The following HECW1 variants were observed in gnomAD, a reference collection of about 807,000 sequenced individuals.
HECW1 encodes HECT, C2 and WW domain containing E3 ubiquitin protein ligase 1, also known as E3 ubiquitin-protein ligase HECW1.
HECW1 carries 61 observed loss-of-function variants against 182.3 expected under a neutral mutation model. The observed-to-expected ratio is 0.33, with a 90% confidence interval of 0.27 to 0.41. The LOEUF (loss-of-function observed/expected upper bound fraction) is 0.41, where lower values mean the gene tolerates loss of function less well. Among genes scored for constraint, HECW1 ranks in the 10% least tolerant of loss-of-function variants. The probability of loss-of-function intolerance (pLI) is 1.00; values close to 1 mark genes in which losing one functional copy is unlikely to be tolerated. For missense variants in HECW1, 1,739 were observed against 2,108.9 expected (o/e 0.82, Z 3.44); for synonymous variants, 859 against 832.6 (o/e 1.03, Z -0.55).
chr7:43,190,356 C>T (rs1460584248), intron 2 of HECW1, among the ~76,000 whole-genome samples: 1 of 152,194 alleles, frequency 6.6e-6, no homozygotes, highest in Non-Finnish European at 1.5e-5. Context: ...TCATGATCCG[C>T]CCACCTTGGC....
chr7:43,200,131 G>C (rs1794894572), intron 2 of HECW1, among the ~76,000 whole-genome samples: 1 of 152,240 alleles, frequency 6.6e-6, no homozygotes, highest in East Asian at 1.9e-4. Context: ...CTAGAAACCA[G>C]TTAACTTTCA....
intron 2 of HECW1, chr7:43,147,620 C>A (rs1330733182): frequency 1.3e-5 from 2 of 152,020 alleles, no homozygotes; most frequent in Admixed American, 1.3e-4. Context: ...CAATAAATTT[C>A]TTTAGTTTAA....
intron 3 of HECW1, among the ~76,000 whole-genome samples, chr7:43,300,722 C>T (rs78125239): frequency 0.013 from 1,969 of 152,242 alleles, 46 homozygotes; most frequent in African/African-American, 0.045. Flanking sequence ...GGTTCAACCC[C>T]ACTGTGTACT....
intron 6 of HECW1, among the ~76,000 whole-genome samples, chr7:43,380,961 G>C (rs1265505599): frequency 6.6e-6 from 1 of 152,244 alleles, no homozygotes; most frequent in Non-Finnish European, 1.5e-5. Flanking sequence ...TCCACCAGCA[G>C]TGTATGAGAG....
chr7:43,196,301 T>TACCA (rs1236260426), intron 2 of HECW1, among the ~76,000 whole-genome samples: 4 of 152,224 alleles, frequency 2.6e-5, no homozygotes, highest in African/African-American at 9.6e-5. Flanking sequence ...CTAAAGAATT[T>TACCA]AGTATTTTGC....
At chr7:43,225,614 T>A (rs1231193098) in intron 2 of HECW1, among the ~76,000 whole-genome samples, 1 of 152,150 alleles carries the variant, frequency 6.6e-6, no homozygotes, top group Non-Finnish European at 1.5e-5. Context: ...TAGGTAAGTA[T>A]CCCAAATAAG....
At chr7:43,247,960 A>G (rs1164637415) in intron 3 of HECW1, among the ~76,000 whole-genome samples, 1 of 141,290 alleles carries the variant, frequency 7.1e-6, no homozygotes, top group Admixed American at 6.9e-5. Context: ...AGGGAAGGAA[A>G]GAAAAAGAGA....
intron 2 of HECW1, among the ~76,000 whole-genome samples, chr7:43,164,919 G>C (rs1033419703): frequency 6.6e-6 from 1 of 152,248 alleles, no homozygotes; most frequent in African/African-American, 2.4e-5. Context: ...AGTGTCTTAA[G>C]AGTGAAGAGT....
chr7:43,252,170 T>C (rs960802617), intron 3 of HECW1, among the ~76,000 whole-genome samples: 2 of 152,192 alleles, frequency 1.3e-5, no homozygotes, highest in Non-Finnish European at 1.5e-5. Context: ...TCACCCTTCC[T>C]TACTCCATGA....
rs573658124 is a variant in HECW1, at chr7:43,251,579, G to C, written c.27+7647G>C. Among the ~76,000 whole-genome samples the C allele has an allele frequency of 5.3e-5, 8 of 152,318 alleles. No individual in the cohort carries two copies. In the South Asian group the frequency reaches 1.2e-3, roughly 24 times the overall value. ...GATCCGCCCACCTTGGCCTCCCAAA[G>C]TGCTGAGATTACAGGCGTGAGCCAC... On this transcript the variant is annotated intron_variant, in intron 3 of 29. Coordinates refer to ENST00000395891, the MANE Select transcript of HECW1 (RefSeq NM_015052.5).
intron 16 of HECW1, among the ~76,000 whole-genome samples, chr7:43,479,139 A>G (rs764874082): frequency 6.6e-6 from 1 of 152,210 alleles, no homozygotes; most frequent in Non-Finnish European, 1.5e-5. Context: ...TTATTATTAC[A>G]TTGTATTATA....
chr7:43,113,192 G>A (rs1212447815), intron 1 of HECW1, among the ~76,000 whole-genome samples: 2 of 152,094 alleles, frequency 1.3e-5, no homozygotes, highest in Non-Finnish European at 2.9e-5. Context: ...CCCTCCTGCG[G>A]GGTACGGAGA....
chr7:43,428,740 C>G (rs1562964839), intron 8 of HECW1, among the ~76,000 whole-genome samples: 1 of 152,174 alleles, frequency 6.6e-6, no homozygotes. Flanking sequence ...CTTCTGTGTT[C>G]TGGGCACTCT....
intron 24 of HECW1, among the ~76,000 whole-genome samples, chr7:43,519,491 G>A (rs528022064): frequency 4.6e-5 from 7 of 152,256 alleles, no homozygotes; most frequent in Admixed American, 1.3e-4. Context: ...TGATTGGCCC[G>A]TCTCGGCCTC....
intron 16 of HECW1, among the ~76,000 whole-genome samples, chr7:43,471,634 G>A (rs575656518): frequency 1.2e-4 from 18 of 152,268 alleles, no homozygotes; most frequent in South Asian, 1.0e-3. Flanking sequence ...GAGAAAGGAG[G>A]ACAGAGCCTT....
intron 2 of HECW1, among the ~76,000 whole-genome samples, chr7:43,231,036 T>C (rs1157176400): frequency 6.6e-6 from 1 of 152,236 alleles, no homozygotes; most frequent in Non-Finnish European, 1.5e-5. Flanking sequence ...GCTATGTGTC[T>C]GGTGCTATTC....
At chr7:43,183,601 A>G (rs564720201) in intron 2 of HECW1, among the ~76,000 whole-genome samples, 34 of 152,282 alleles carry the variant, frequency 2.2e-4, no homozygotes, top group African/African-American at 7.9e-4. Flanking sequence ...ATAAAATATA[A>G]AATCTTCTTT....
intron 2 of HECW1, among the ~76,000 whole-genome samples, chr7:43,128,157 G>A (rs1467619291): frequency 1.3e-5 from 2 of 152,184 alleles, no homozygotes; most frequent in Non-Finnish European, 2.9e-5. Context: ...TGGGATTACA[G>A]GCGTGAGCCA....
At chr7:43,468,772 A>T in intron 15 of HECW1, 148 bp from the exon 16 acceptor site, 1 of 665,468 alleles carries the variant, frequency 1.5e-6, no homozygotes, top group Non-Finnish European at 2.5e-6. Context: ...CTTGAGCAAG[A>T]GCTCATTTTC....
Sources: gnomAD v4.1 joint callset for allele counts (sites outside exome capture counted in the v4.1 genomes callset) on GRCh38, gnomAD v4.1.1 for gene constraint, MANE v1.5 for transcripts, NCBI Gene and HGNC (gene_info 2026-07-23, HGNC 2026-07-21) for gene names.